The following SMOC2 variants were observed in gnomAD, a reference collection of about 807,000 sequenced individuals.
SMOC2 encodes SPARC related modular calcium binding 2.
In SMOC2, 39 loss-of-function variants were observed where a neutral mutation model predicts 61.4. That is an observed-to-expected ratio of 0.64 (90% CI 0.49 to 0.83). The LOEUF (loss-of-function observed/expected upper bound fraction) is 0.83. Among genes scored for constraint, SMOC2 ranks in the 40% least tolerant of loss-of-function variants. The pLI is 0.00. For missense variants in SMOC2, 556 were observed against 592.9 expected, an observed-to-expected ratio of 0.94 and a Z score of 0.65; for synonymous variants, 247 against 239.9, an observed-to-expected ratio of 1.03 and a Z score of -0.27.
chr6:168,649,330 G>A (rs567620456), intron 9 of SMOC2, among the ~76,000 whole-genome samples: 57 of 152,242 alleles, frequency 3.7e-4, no homozygotes, highest in Non-Finnish European at 7.4e-4. Context: ...AGGACGGTCC[G>A]AGCAGATGTT....
At chr6:168,482,447 C>T (rs912043970) in intron 1 of SMOC2, among the ~76,000 whole-genome samples, 7 of 151,940 alleles carry the variant, frequency 4.6e-5, no homozygotes, top group African/African-American at 1.7e-4. Flanking sequence ...ACAGAGAAAA[C>T]CTGTGGACCT....
chr6:168,444,310 A>G (rs1394095062), intron 1 of SMOC2, among the ~76,000 whole-genome samples: 1 of 151,544 alleles, frequency 6.6e-6, no homozygotes. Context: ...AGTTTGCCAT[A>G]CCTGGCTTCT....
chr6:168,598,951 C>T lies in SMOC2; in HGVS notation c.771C>T (p.Tyr257=), dbSNP rs1489839899. 1.4e-5 allele frequency: 22 copies of T among 1,613,468 alleles called. No homozygotes were observed. Among genetic ancestry groups the T allele is most frequent in the Non-Finnish European group, 1.9e-5 (22 of 1,179,626 alleles). ...KPVQCHPSTG[Y]CWCVLVDTGR... ...TGCAGTGCCACCCCTCCACGGGGTA[C>T]TGCTGGTGCGTCCTGGTGGACACGG... Residue 257 remains tyrosine, a synonymous_variant, in exon 8 of 13, where the codon TAC becomes TAT. Coordinates refer to ENST00000356284, the MANE Select transcript of SMOC2 (RefSeq NM_001166412.2).
intron 8 of SMOC2, among the ~76,000 whole-genome samples, chr6:168,606,491 G>A (rs1785694558): frequency 6.6e-6 from 1 of 152,104 alleles, no homozygotes; most frequent in Non-Finnish European, 1.5e-5. Context: ...CAGCTGGATG[G>A]GGTCCTCTCA....
chr6:168,517,106 G>A (rs1021800590), intron 2 of SMOC2, among the ~76,000 whole-genome samples: 22 of 152,206 alleles, frequency 1.4e-4, no homozygotes, highest in African/African-American at 4.3e-4. Flanking sequence ...ATCCAAGTTC[G>A]CTGTGCCGTG....
chr6:168,639,296 C>T (rs751665872), intron 9 of SMOC2, among the ~76,000 whole-genome samples: 1 of 152,206 alleles, frequency 6.6e-6, no homozygotes, highest in Non-Finnish European at 1.5e-5. Context: ...CCTTCTGTTG[C>T]TCAGATTCTG....
chr6:168,662,766 G>A (rs890981202), intron 11 of SMOC2, among the ~76,000 whole-genome samples: 1 of 152,228 alleles, frequency 6.6e-6, no homozygotes, highest in Admixed American at 6.5e-5. Context: ...TGCGAGGAGT[G>A]TCGGGCTCTG....
chr6:168,449,830 A>G lies in SMOC2; in HGVS notation c.84+8376A>G, dbSNP rs540996298. ...TGTCATCCCTTCATTTCAAAGGACAATTGAGTTAAATTTTGTAACATACAT... is the reference window on the plus strand; with the variant it reads ...TGTCATCCCTTCATTTCAAAGGACAGTTGAGTTAAATTTTGTAACATACAT... On this transcript the variant is annotated intron_variant, in intron 1 of 12. Transcript: ENST00000356284. Among the ~76,000 whole-genome samples, 3 of 152,330 alleles carry G rather than the reference A, an allele frequency of 2.0e-5. No individual in the cohort carries two copies. The East Asian group carries it at 5.8e-4, about 29-fold the overall frequency.
Position 168,586,708 on chromosome 6 carries a change from G to A in SMOC2, c.638-12110G>A, listed in dbSNP as rs117168695. ...ACATCTTTGATAAAATTCTTTCTAA[G>A]CACTTTTATGTTTTTGATATTATAG... On this transcript the variant is annotated intron_variant, in intron 7 of 12. Coordinates refer to ENST00000356284, the MANE Select transcript of SMOC2 (RefSeq NM_001166412.2). Among the ~76,000 whole-genome samples, 641 of 152,074 alleles carry A rather than the reference G, an allele frequency of 4.2e-3. 3 individuals carry two copies. Among genetic ancestry groups the A allele is most frequent in the Non-Finnish European group, 7.3e-3 (493 of 67,974 alleles).
chr6:168,632,695 C>T (rs1001274219), intron 9 of SMOC2, among the ~76,000 whole-genome samples: 11 of 152,198 alleles, frequency 7.2e-5, no homozygotes, highest in African/African-American at 2.4e-4. Flanking sequence ...TATGCAATTT[C>T]TGTTTGATAT....
At chr6:168,586,461 T>C (rs1485260825) in intron 7 of SMOC2, among the ~76,000 whole-genome samples, 26 of 152,158 alleles carry the variant, frequency 1.7e-4, no homozygotes. Flanking sequence ...AAACTTTGAA[T>C]AAGTTAGGTC....
chr6:168,543,738 C>G, intron 5 of SMOC2, 66 bp downstream of exon 5: 1 of 1,470,846 alleles, frequency 6.8e-7, no homozygotes, highest in Middle Eastern at 1.7e-4. Context: ...GAAATAACTT[C>G]TCAAGTTAAA....
At position 168,471,426 on chromosome 6, in the gene SMOC2, T is replaced by G. The variant is rs1781965797; in HGVS notation, c.84+29972T>G. Among the ~76,000 whole-genome samples the G allele has an allele frequency of 2.0e-5, 3 of 152,374 alleles. No individual in the cohort carries two copies. In the South Asian group the frequency reaches 6.2e-4, roughly 32 times the overall value. ...GTAACATAGTTCAGCATTTCCTTCT[T>G]TTCCAAGGCTGAGTAATATTCTATT... is the stretch of plus-strand genomic sequence containing the variant. On this transcript the variant is annotated intron_variant, in intron 1 of 12. Coordinates refer to ENST00000356284, the MANE Select transcript of SMOC2 (RefSeq NM_001166412.2).
intron 2 of SMOC2, among the ~76,000 whole-genome samples, chr6:168,514,608 A>C (rs2115057314): frequency 6.6e-6 from 1 of 152,356 alleles, no homozygotes; most frequent in South Asian, 2.1e-4. Context: ...GAAACAATTT[A>C]AGAATAAATT....
chr6:168,637,108 C>G (rs1786759670), intron 9 of SMOC2, among the ~76,000 whole-genome samples: 1 of 151,918 alleles, frequency 6.6e-6, no homozygotes, highest in Admixed American at 6.6e-5. Flanking sequence ...CTTTTTTGAT[C>G]TTTCTAACTG....
At chr6:168,628,975 G>C (rs976209829) in intron 9 of SMOC2, among the ~76,000 whole-genome samples, 1 of 152,240 alleles carries the variant, frequency 6.6e-6, no homozygotes, top group Non-Finnish European at 1.5e-5. Context: ...CATGGGCTGC[G>C]CAGGGGTTCC....
At chr6:168,622,696 C>T (rs1339065638) in intron 9 of SMOC2, among the ~76,000 whole-genome samples, 1 of 152,138 alleles carries the variant, frequency 6.6e-6, no homozygotes, top group Non-Finnish European at 1.5e-5. Context: ...TTTCCAAGCC[C>T]TTTCCACCCT....
intron 1 of SMOC2, among the ~76,000 whole-genome samples, chr6:168,489,796 G>T (rs528386475): frequency 7.5e-6 from 1 of 133,758 alleles, no homozygotes; most frequent in African/African-American, 2.9e-5. Context: ...TGAAATATAT[G>T]GAATCATCTG....
At chr6:168,563,504 G>T (rs1270111397) in intron 7 of SMOC2, among the ~76,000 whole-genome samples, 1 of 151,954 alleles carries the variant, frequency 6.6e-6, no homozygotes, top group African/African-American at 2.4e-5. Context: ...TCTGTTTCTT[G>T]TCTCCCTGCT....
Sources: gnomAD v4.1 joint callset for allele counts (sites outside exome capture counted in the v4.1 genomes callset) on GRCh38, gnomAD v4.1.1 for gene constraint, MANE v1.5 for transcripts, NCBI Gene and HGNC (gene_info 2026-07-23, HGNC 2026-07-21) for gene names.